The following MAP7D2 variants were observed in gnomAD, a reference collection of about 807,000 sequenced individuals.
MAP7D2 encodes the protein MAP7 domain-containing protein 2.
MAP7D2 carries 33 observed loss-of-function variants against 63.5 expected under a neutral mutation model. That is an observed-to-expected ratio of 0.52 (90% CI 0.39 to 0.70). The LOEUF (loss-of-function observed/expected upper bound fraction) is 0.70, where lower values mean the gene tolerates loss of function less well. Ranked by LOEUF, MAP7D2 falls within the 30% of genes least tolerant of loss-of-function variation. The pLI, the probability that MAP7D2 is intolerant of heterozygous loss-of-function variation, is 0.00. For missense variants in MAP7D2, 626 were observed against 604.0 expected (o/e 1.04, Z -0.38); for synonymous variants, 224 against 223.7 (o/e 1.00, Z -0.01).
chrX:20,083,151 T>G (rs1395807114), intron 1 of MAP7D2, among the ~76,000 whole-genome samples: 4 of 112,567 alleles, frequency 3.6e-5, no homozygotes, highest in Non-Finnish European at 7.5e-5. Context: ...AATTTATTGC[T>G]GCCAGTAGTT....
chrX:20,101,709 C>G, intron 1 of MAP7D2, among the ~76,000 whole-genome samples: 1 of 112,353 alleles, frequency 8.9e-6, no homozygotes, highest in East Asian at 2.8e-4. Flanking sequence ...AGTACTACTA[C>G]TCAGAAATAA....
intron 1 of MAP7D2, among the ~76,000 whole-genome samples, chrX:20,107,572 C>G (rs1046256503): frequency 1.9e-5 from 2 of 106,787 alleles, no homozygotes; most frequent in Admixed American, 2.0e-4. Context: ...CTCTGTTTCC[C>G]GCCCCCCCCA....
At chrX:20,035,880 T>C (rs1386580948) in intron 8 of MAP7D2, among the ~76,000 whole-genome samples, 5 of 110,075 alleles carry the variant, frequency 4.5e-5, no homozygotes. Context: ...ACCGTTGCAC[T>C]CCAGCCTGGG....
rs1166318095 is a variant in MAP7D2 at position 20,007,062 on chromosome X, T to C, written c.*1363A>G. ...TGCTATGGTTTCTGTGTGCCTGTCA[T>C]AAAGGGACTTGGCCAGTATTTGCCG... On this transcript the variant is annotated 3_prime_UTR_variant, in exon 17 of 17. Coordinates refer to ENST00000379643, the MANE Select transcript of MAP7D2 (RefSeq NM_001168465.2). 2 of 112,102 alleles carry C rather than the reference T, an allele frequency of 1.8e-5. No homozygotes were observed. Among genetic ancestry groups the C allele is most frequent in the African/African-American group, 6.5e-5 (2 of 30,819 alleles). The allele number at this position is 112,102 out of a possible 1,213,427, so 9.2% of individuals were successfully genotyped here.
chrX:20,038,340 A>G (rs1242647615), intron 8 of MAP7D2, among the ~76,000 whole-genome samples: 1 of 111,925 alleles, frequency 8.9e-6, no homozygotes. Flanking sequence ...TTTACGGCTA[A>G]AGAAGTGCAG....
At chrX:20,109,519 CAAAAAAAA>C (rs60683453) in intron 1 of MAP7D2, among the ~76,000 whole-genome samples, 4 of 33,001 alleles carry the variant, frequency 1.2e-4, no homozygotes, top group African/African-American at 3.4e-4. Flanking sequence ...GACTCCGTCT[CAAAAAAAA>C]AAAAAAAAAA....
At chrX:20,063,944 C>G (rs1280617478) in intron 2 of MAP7D2, among the ~76,000 whole-genome samples, 1 of 112,627 alleles carries the variant, frequency 8.9e-6, no homozygotes, top group Non-Finnish European at 1.9e-5. Context: ...AATGGCTAAA[C>G]TATATGCTAG....
At chrX:20,013,254 C>T (rs750623107) in intron 13 of MAP7D2, 122 bp from the exon 14 acceptor site, 1 of 526,478 alleles carries the variant, frequency 1.9e-6, no homozygotes, top group Admixed American at 3.2e-5. Context: ...TGTGGTAATT[C>T]TTTAAATCTT....
At chrX:20,052,810 A>T in intron 5 of MAP7D2, 68 bp downstream of exon 5, 1 of 846,645 alleles carries the variant, frequency 1.2e-6, no homozygotes, top group Non-Finnish European at 1.8e-6. Flanking sequence ...TCTCACAAAG[A>T]CAAACGTTAA....
chrX:20,047,690 C>T (rs188860206), intron 6 of MAP7D2, among the ~76,000 whole-genome samples: 47 of 108,903 alleles, frequency 4.3e-4, no homozygotes, highest in African/African-American at 1.4e-3. Context: ...GTAGCACACA[C>T]CTATAGTCCT....
At chrX:20,055,615 T>A in intron 4 of MAP7D2, 1 of 355,524 alleles carries the variant, frequency 2.8e-6, no homozygotes, top group Non-Finnish European at 4.6e-6. Flanking sequence ...GAAAAAAAAA[T>A]TGTGACAGGC....
At chrX:20,061,845 T>C (rs994425993) in intron 3 of MAP7D2, among the ~76,000 whole-genome samples, 2 of 112,464 alleles carry the variant, frequency 1.8e-5, no homozygotes, top group Non-Finnish European at 3.8e-5. Context: ...GACTTCACAG[T>C]ACCCCTTCCT....
rs150371503 is a variant in MAP7D2 at position 20,056,694 on chromosome X, G to A, written c.470C>T (p.Pro157Leu). Residue 157 changes from proline to leucine, a missense_variant, in exon 4 of 17, where the codon CCC (proline) becomes CTC (leucine). Physicochemically the swap from Pro to Leu is moderately conservative, Grantham distance 98. Transcript: ENST00000379643. ...CCTACACTCACCATCATGTCCTCCGGGTCCAATGGCCAGTGGTGCTCCCCA... is the reference window on the plus strand; with the variant it reads ...CCTACACTCACCATCATGTCCTCCGAGTCCAATGGCCAGTGGTGCTCCCCA... ...YSWGAPLAIG[P>L]GGHDACDKLS... The A allele has an allele frequency of 1.9e-4, 231 of 1,207,882 alleles. No homozygotes were observed. In the African/African-American group the frequency reaches 3.4e-3, roughly 18 times the overall value.
intron 1 of MAP7D2, among the ~76,000 whole-genome samples, chrX:20,090,562 T>C (rs1386825291): frequency 9.0e-6 from 1 of 111,482 alleles, no homozygotes; most frequent in Non-Finnish European, 1.9e-5. Context: ...CTGGCAAAGG[T>C]GCAAAGCAGT....
rs1451380721 is a variant in MAP7D2, at chrX:20,116,873, G to A, written c.7C>T (p.Arg3Cys). 5.3e-6 allele frequency: 6 copies of A among 1,132,233 alleles called. No individual in the cohort carries two copies. The South Asian group carries it at 8.4e-5, about 16-fold the overall frequency. The allele number at this position is 1,132,233 out of a possible 1,213,427, so 93.3% of individuals were successfully genotyped here. A position where few individuals can be genotyped will look rare whatever the true frequency, so the allele number is the denominator to read the frequency against. ME[R>C]GGGGSGTGSR... ...CCCGTCCCGGAGCCGCCGCCGCCGC[G>A]CTCCATCGGGATGCGCCGGCCGCAC... Residue 3 changes from arginine (R) to cysteine (C), a missense_variant, in exon 1 of 17, where the codon CGC becomes TGC. By Grantham distance (180) the Arg-to-Cys change is radical. Coordinates refer to ENST00000379643, the MANE Select transcript of MAP7D2 (RefSeq NM_001168465.2).
intron 10 of MAP7D2, among the ~76,000 whole-genome samples, chrX:20,018,032 C>A (rs1387326779): frequency 1.9e-5 from 2 of 103,784 alleles, no homozygotes; most frequent in East Asian, 3.0e-4. Context: ...AATGGTGCAA[C>A]CTTGGCTCAC....
intron 2 of MAP7D2, among the ~76,000 whole-genome samples, 193 bp from the exon 3 acceptor site, chrX:20,063,770 T>C (rs2065279971): frequency 8.9e-6 from 1 of 111,982 alleles, no homozygotes; most frequent in Non-Finnish European, 1.9e-5. Context: ...AGCTAGATCA[T>C]CTCTCTGCCT....
chrX:20,057,317 T>C (rs2065091020), intron 3 of MAP7D2, among the ~76,000 whole-genome samples: 2 of 111,837 alleles, frequency 1.8e-5, no homozygotes, highest in South Asian at 7.5e-4. Context: ...GTGACGCTTT[T>C]CTGCTATATA....
At chrX:20,102,573 G>C (rs1007139613) in intron 1 of MAP7D2, among the ~76,000 whole-genome samples, 2 of 111,083 alleles carry the variant, frequency 1.8e-5, no homozygotes, top group African/African-American at 3.3e-5. Context: ...CTAGGCAAGT[G>C]TCAGAGGAGA....
Sources: gnomAD v4.1 joint callset for allele counts (sites outside exome capture counted in the v4.1 genomes callset) on GRCh38, gnomAD v4.1.1 for gene constraint, MANE v1.5 for transcripts, NCBI Gene and HGNC (gene_info 2026-07-23, HGNC 2026-07-21) for gene names.